ZFPM1: variants seen among roughly 807,000 people sequenced by gnomAD.
ZFPM1 encodes the protein zinc finger protein, FOG family member 1.
A neutral mutation model predicts 46.3 loss-of-function variants in ZFPM1; 28 were observed. The observed-to-expected ratio is 0.60, with a 90% CI of 0.45 to 0.83. The LOEUF is 0.83. Among genes scored for constraint, ZFPM1 ranks in the 40% least tolerant of loss-of-function variants. The pLI, the probability that ZFPM1 is intolerant of heterozygous loss-of-function variation, is 0.00. For synonymous variants in ZFPM1, 957 were observed against 675.9 expected (o/e 1.42, Z -6.45); for missense variants, 1,878 against 1,432.4 (o/e 1.31, Z -5.02).
Position 88,534,336 on chromosome 16 carries a change from G to A in ZFPM1, c.2378G>A (p.Gly793Asp), listed in dbSNP as rs1913098224. The change falls in exon 10 of 10, where the codon GGC (glycine) becomes GAC (aspartate). Residue 793 changes from glycine to aspartate, a missense_variant. Coordinates refer to ENST00000319555, the MANE Select transcript of ZFPM1 (RefSeq NM_153813.3). ...CGCTCGCCCGGCCCCGCGGCCGACG[G>A]CCCCATCGACCTGAGCAAGAAGCCG... ...PARSPGPAAD[G>D]PIDLSKKPRR... is the part of the protein sequence containing the mutation. 2.9e-6 allele frequency: 4 copies of A among 1,368,890 alleles called. No homozygotes were observed. Among genetic ancestry groups the A allele is most frequent in the Non-Finnish European group, 2.8e-6 (3 of 1,062,192 alleles). 84.8% of individuals were successfully genotyped at this position (1,368,890 alleles called of 1,614,324 possible).
intron 1 of ZFPM1, among the ~76,000 whole-genome samples, chr16:88,457,514 C>T (rs1907610310): frequency 6.6e-6 from 1 of 152,234 alleles, no homozygotes; most frequent in Admixed American, 6.5e-5. Flanking sequence ...GGCCCAGTTG[C>T]CTCGTCCCCA....
intron 1 of ZFPM1, among the ~76,000 whole-genome samples, chr16:88,478,896 C>G (rs1908802702): frequency 6.6e-6 from 1 of 152,190 alleles, no homozygotes; most frequent in African/African-American, 2.4e-5. Flanking sequence ...TGGAGACTTC[C>G]CCGGGGGCCT....
At chr16:88,488,439 G>C (rs892004727) in intron 2 of ZFPM1, among the ~76,000 whole-genome samples, 1 of 152,272 alleles carries the variant, frequency 6.6e-6, no homozygotes, top group Non-Finnish European at 1.5e-5. Flanking sequence ...GCTCCCTCGC[G>C]GTGGCTGGAG....
In ZFPM1 at chr16:88,471,754, C is replaced by G. The variant is rs66506808; in HGVS notation, c.41-14185C>G. 0.12 allele frequency among the ~76,000 whole-genome samples: 18,587 copies of G among 152,326 alleles called. 1,368 individuals carry two copies. The highest frequency in any genetic ancestry group is 0.18 in the East Asian group (958 of 5,180). On this transcript the variant is annotated intron_variant, in intron 1 of 9. Coordinates refer to ENST00000319555, the MANE Select transcript of ZFPM1 (RefSeq NM_153813.3). The surrounding 1 kb of genome is among the most constrained non-coding windows in gnomAD (Gnocchi z 4.1). ...AATTCCTGCCCACCACTTACTCACA[C>G]TGGGATCTGCCACAGACACCTGAGC...
At position 88,480,116 on chromosome 16, in the gene ZFPM1, T is replaced by C. The variant is rs1318159680; in HGVS notation, c.41-5823T>C. 6.6e-6 allele frequency among the ~76,000 whole-genome samples: 1 copy of C among 151,994 alleles called. No homozygotes were observed. Among genetic ancestry groups the C allele is most frequent in the African/African-American group, 2.4e-5 (1 of 41,360 alleles). On this transcript the variant is annotated intron_variant, in intron 1 of 9. Coordinates refer to ENST00000319555, the MANE Select transcript of ZFPM1 (RefSeq NM_153813.3). The surrounding 1 kb of genome is among the most constrained non-coding windows in gnomAD (Gnocchi z 4.9). Reference sequence around the variant, plus strand: ...CCTGCCCTGTGCCAGCCTCAGCTCCTGCTGTTCCTTTCTCCTGGAGCGCTT... The same window carrying C: ...CCTGCCCTGTGCCAGCCTCAGCTCCCGCTGTTCCTTTCTCCTGGAGCGCTT...
intron 3 of ZFPM1, among the ~76,000 whole-genome samples, chr16:88,511,970 G>A (rs887857850): frequency 1.3e-5 from 2 of 152,188 alleles, no homozygotes; most frequent in African/African-American, 4.8e-5. Context: ...ACTCCTTGGA[G>A]GCCCCTCGCC....
chr16:88,454,115 G>A (rs1455962729), intron 1 of ZFPM1, among the ~76,000 whole-genome samples: 2 of 152,202 alleles, frequency 1.3e-5, no homozygotes, highest in Non-Finnish European at 2.9e-5. Flanking sequence ...TATCTCGCGC[G>A]GTTGACTCTC....
chr16:88,491,921 G>A (rs868394826), intron 3 of ZFPM1, among the ~76,000 whole-genome samples: 3 of 152,166 alleles, frequency 2.0e-5, no homozygotes, highest in Non-Finnish European at 2.9e-5. Context: ...CCCGTGCGTC[G>A]ATGGCCAGCA....
At chr16:88,524,001 C>T (rs544317094) in intron 4 of ZFPM1, among the ~76,000 whole-genome samples, 2 of 152,290 alleles carry the variant, frequency 1.3e-5, no homozygotes, top group Admixed American at 6.5e-5. Flanking sequence ...AGTTGCGGCG[C>T]GTGTTTTTAT....
intron 2 of ZFPM1, among the ~76,000 whole-genome samples, chr16:88,488,199 C>T (rs981404908): frequency 6.6e-6 from 1 of 152,112 alleles, no homozygotes. Flanking sequence ...ATGGAGGGGC[C>T]GCAGCAAAGG....
intron 1 of ZFPM1, among the ~76,000 whole-genome samples, chr16:88,466,973 T>C (rs945842130): frequency 6.6e-6 from 1 of 151,984 alleles, no homozygotes; most frequent in African/African-American, 2.4e-5. Context: ...GGCGGTGGTA[T>C]TAATGGGGGG....
At position 88,461,157 on chromosome 16, in the gene ZFPM1, CGGGAGACCTGGTGAGGACCG is replaced by C. The variant is rs1567525783; in HGVS notation, c.40+7480_40+7499del. 1.1e-4 allele frequency among the ~76,000 whole-genome samples: 7 copies of C among 63,812 alleles called. 1 individual carries two copies. Among genetic ancestry groups the C allele is most frequent in the East Asian group, 5.2e-4 (1 of 1,940 alleles). 41.9% of individuals were successfully genotyped at this position (63,812 alleles called of 152,430 possible). On this transcript the variant is annotated intron_variant, in intron 1 of 9. Transcript: ENST00000319555. ...GGGAGACCTGGTGAGGACCGAGGGG[CGGGAGACCTGGTGAGGACCG>C]AGGGGCGGGGCGGGAGGCCTGGTGA...
chr16:88,508,159 C>A (rs1007316133), intron 3 of ZFPM1, among the ~76,000 whole-genome samples: 2 of 152,042 alleles, frequency 1.3e-5, no homozygotes, highest in Non-Finnish European at 2.9e-5. Context: ...TAACCGGGTG[C>A]GGTGGCGCGC....
intron 8 of ZFPM1, 29 bp downstream of exon 8, chr16:88,532,738 T>C (rs1488386825): frequency 6.2e-7 from 1 of 1,612,352 alleles, no homozygotes; most frequent in Admixed American, 1.7e-5. Flanking sequence ...GGGGGGTGTG[T>C]GGGTCCCGCC....
chr16:88,514,956 G>T (rs865941882), intron 4 of ZFPM1, among the ~76,000 whole-genome samples: 3 of 152,166 alleles, frequency 2.0e-5, no homozygotes, highest in Admixed American at 6.5e-5. Context: ...CAGGCCCATG[G>T]TCTCCATGGC....
At chr16:88,464,186 A>G (rs1363120674) in intron 1 of ZFPM1, among the ~76,000 whole-genome samples, 1 of 152,184 alleles carries the variant, frequency 6.6e-6, no homozygotes, top group Non-Finnish European at 1.5e-5. Flanking sequence ...AGAGGTGAGC[A>G]GCCCCTCAAA....
chr16:88,481,352 G>T (rs548174631), intron 1 of ZFPM1, among the ~76,000 whole-genome samples: 2 of 152,274 alleles, frequency 1.3e-5, no homozygotes, highest in South Asian at 4.1e-4. Context: ...TCCGTGTCTG[G>T]CTCGGGGAAG....
chr16:88,523,600 C>T (rs1303611209), intron 4 of ZFPM1, among the ~76,000 whole-genome samples: 4 of 152,208 alleles, frequency 2.6e-5, no homozygotes, highest in Non-Finnish European at 4.4e-5. Flanking sequence ...GCTCACCTGT[C>T]CCCTGAGAGG....
intron 1 of ZFPM1, among the ~76,000 whole-genome samples, chr16:88,485,141 G>A (rs1909146682): frequency 6.6e-6 from 1 of 152,224 alleles, no homozygotes; most frequent in Non-Finnish European, 1.5e-5. Flanking sequence ...GCACTGGCAG[G>A]TGATGCCAGG....
Sources: gnomAD v4.1 joint callset for allele counts (sites outside exome capture counted in the v4.1 genomes callset) on GRCh38, gnomAD v4.1.1 for gene constraint, Gnocchi (gnomAD v3.1) non-coding constraint, MANE v1.5 for transcripts, NCBI Gene and HGNC (gene_info 2026-07-23, HGNC 2026-07-21) for gene names.